The following DIP2B variants were observed in gnomAD, a reference collection of about 807,000 sequenced individuals.
DIP2B encodes disco-interacting protein 2 homolog B.
DIP2B carries 76 observed loss-of-function variants against 198.0 expected under a neutral mutation model. That is an observed-to-expected ratio of 0.38 (90% CI 0.32 to 0.46). DIP2B has a LOEUF of 0.46. Ranked by LOEUF, DIP2B falls within the 20% of genes least tolerant of loss-of-function variation. DIP2B has a pLI of 0.99. For synonymous variants in DIP2B, 701 were observed against 739.1 expected (o/e 0.95, Z 0.84); for missense variants, 1,559 against 1,978.4 (o/e 0.79, Z 4.02).
chr12:50,553,331 T>C (rs745558630), intron 1 of DIP2B, among the ~76,000 whole-genome samples: 14 of 152,190 alleles, frequency 9.2e-5, no homozygotes, highest in Non-Finnish European at 1.8e-4. Flanking sequence ...TCCCAGTATG[T>C]TGAAGTACCA....
chr12:50,560,851 GAGAT>G (rs1038245224), intron 1 of DIP2B, among the ~76,000 whole-genome samples: 40 of 152,328 alleles, frequency 2.6e-4, no homozygotes, highest in African/African-American at 9.4e-4. Context: ...TAATCTCAGT[GAGAT>G]AGTTCATTTA....
At chr12:50,579,628 AAAAAAAAAAAAAAAAAAT>A (rs1958697618) in intron 1 of DIP2B, among the ~76,000 whole-genome samples, 1 of 45,042 alleles carries the variant, frequency 2.2e-5, no homozygotes, top group Non-Finnish European at 3.9e-5. Context: ...AAAAAAAAAA[AAAAAAAAAAAAAAAAAAT>A]ATATATATAT....
chr12:50,535,316 A>G (rs1053889422), intron 1 of DIP2B, among the ~76,000 whole-genome samples: 3 of 151,970 alleles, frequency 2.0e-5, no homozygotes, highest in African/African-American at 7.3e-5. Flanking sequence ...CTGTAATCCT[A>G]GCACTTTGGG....
At chr12:50,521,489 CTTTTTTT>C (rs35971707) in intron 1 of DIP2B, among the ~76,000 whole-genome samples, 2 of 98,246 alleles carry the variant, frequency 2.0e-5, no homozygotes, top group Admixed American at 2.3e-4. Flanking sequence ...AGGTTTCTTT[CTTTTTTT>C]TTTTTTTTTT....
chr12:50,680,655 T>C lies in DIP2B; in HGVS notation c.1115-17T>C. On this transcript the variant is annotated splice_polypyrimidine_tract_variant and intron_variant, in intron 8 of 37. Coordinates refer to ENST00000301180, the MANE Select transcript of DIP2B (RefSeq NM_173602.3). ...TTTTTTCTATATGACTGTTGTTTTT[T>C]TTTCCTTTTTTTCCAGGAAAGTTGT... The C allele has an allele frequency of 5.0e-6, 8 of 1,607,764 alleles. No homozygotes were observed. The highest frequency in any genetic ancestry group is 6.8e-6 in the Non-Finnish European group (8 of 1,178,120).
At chr12:50,621,324 CA>C (rs1937807110) in intron 1 of DIP2B, among the ~76,000 whole-genome samples, 2 of 152,214 alleles carry the variant, frequency 1.3e-5, no homozygotes, top group Admixed American at 1.3e-4. Context: ...GCAGTCCAAG[CA>C]TTGCTTTTTT....
At chr12:50,562,566 C>T (rs1415541724) in intron 1 of DIP2B, among the ~76,000 whole-genome samples, 1 of 151,878 alleles carries the variant, frequency 6.6e-6, no homozygotes, top group Admixed American at 6.6e-5. Flanking sequence ...AAACCCCTCT[C>T]TACAAAAAAT....
intron 1 of DIP2B, among the ~76,000 whole-genome samples, chr12:50,558,393 G>A (rs564408002): frequency 1.3e-5 from 2 of 152,298 alleles, no homozygotes; most frequent in East Asian, 1.9e-4. Flanking sequence ...CTGTGTTCCT[G>A]CCAGGGGTAA....
At chr12:50,512,848 T>C (rs1301062035) in intron 1 of DIP2B, among the ~76,000 whole-genome samples, 1 of 151,952 alleles carries the variant, frequency 6.6e-6, no homozygotes, top group Non-Finnish European at 1.5e-5. Context: ...TCTACTAAAA[T>C]ACAAAAAAAT....
chr12:50,511,946 C>CAAAAA (rs1294473966), intron 1 of DIP2B, among the ~76,000 whole-genome samples: 1 of 26,568 alleles, frequency 3.8e-5, no homozygotes, highest in Non-Finnish European at 6.5e-5. Context: ...GACTCCGTCT[C>CAAAAA]AAAAAAAAAA....
intron 1 of DIP2B, among the ~76,000 whole-genome samples, chr12:50,511,293 T>TTTTTTTTTTTG (rs1958014265): frequency 9.2e-6 from 1 of 109,274 alleles, no homozygotes; most frequent in African/African-American, 3.6e-5. Context: ...TGATTTCTAT[T>TTTTTTTTTTTG]TTTTTTTTTT....
intron 1 of DIP2B, among the ~76,000 whole-genome samples, chr12:50,566,205 G>A (rs570670698): frequency 6.6e-6 from 1 of 152,124 alleles, no homozygotes; most frequent in Admixed American, 6.6e-5. Flanking sequence ...ACCATGCCCA[G>A]CTAATTTGTT....
At chr12:50,601,445 C>T (rs550599785) in intron 1 of DIP2B, among the ~76,000 whole-genome samples, 190 of 151,862 alleles carry the variant, frequency 1.3e-3, no homozygotes, top group Non-Finnish European at 1.4e-3. Flanking sequence ...CCCAGGTTCA[C>T]GCCATTCTCC....
chr12:50,590,021 A>G (rs184694699), intron 1 of DIP2B, among the ~76,000 whole-genome samples: 81 of 152,084 alleles, frequency 5.3e-4, no homozygotes, highest in African/African-American at 1.7e-3. Flanking sequence ...TCTCTCTGAG[A>G]TAGTATCTTA....
At chr12:50,606,516 T>C (rs974374691) in intron 1 of DIP2B, among the ~76,000 whole-genome samples, 1 of 152,250 alleles carries the variant, frequency 6.6e-6, no homozygotes, top group Non-Finnish European at 1.5e-5. Context: ...GTTTTTACTT[T>C]TCATTTACAA....
chr12:50,698,219 TG>T, intron 17 of DIP2B, 108 bp from the exon 18 acceptor site: 4 of 1,368,780 alleles, frequency 2.9e-6, no homozygotes, highest in Non-Finnish European at 3.9e-6. Context: ...GGAGAGAAAA[TG>T]GAGAATTTTT....
chr12:50,634,469 A>G (rs569643914), intron 2 of DIP2B, among the ~76,000 whole-genome samples: 2 of 152,226 alleles, frequency 1.3e-5, no homozygotes, highest in South Asian at 2.1e-4. Flanking sequence ...ATCTAAGGAC[A>G]GTATGTATTT....
intron 9 of DIP2B, 65 bp from the exon 10 acceptor site, chr12:50,683,067 TAGACAG>T (rs1280923275): frequency 1.6e-6 from 2 of 1,227,132 alleles, no homozygotes; most frequent in Non-Finnish European, 2.3e-6. Context: ...ATTACATACT[TAGACAG>T]TGACATTGAA....
intron 1 of DIP2B, among the ~76,000 whole-genome samples, chr12:50,545,250 GGCAACGTA>G: frequency 6.6e-6 from 1 of 152,082 alleles, no homozygotes; most frequent in Admixed American, 6.6e-5. Context: ...CAGACCTTTT[GGCAACGTA>G]TGAGAGTTCC....
Sources: allele counts gnomAD v4.1 joint callset (sites outside exome capture counted in the v4.1 genomes callset), GRCh38; gene constraint gnomAD v4.1.1; transcripts MANE v1.5; gene names NCBI Gene and HGNC (gene_info 2026-07-23, HGNC 2026-07-21).